The following ANKIB1 variants were observed in gnomAD, a reference collection of about 807,000 sequenced individuals.
ANKIB1 encodes the protein ankyrin repeat and IBR domain-containing protein 1.
In ANKIB1, 43 loss-of-function variants were observed where a neutral mutation model predicts 122.1. The ratio of observed to expected loss-of-function variants is 0.35; its 90% CI spans 0.28 to 0.45. The LOEUF (loss-of-function observed/expected upper bound fraction) is 0.45. ANKIB1 is among the 20% of genes least tolerant of loss of function. ANKIB1 has a pLI of 1.00. For synonymous variants in ANKIB1, 390 were observed against 442.0 expected, an observed-to-expected ratio of 0.88 and a Z score of 1.48; for missense variants, 992 against 1,329.5, an observed-to-expected ratio of 0.75 and a Z score of 3.95.
chr7:92,343,116 A>T lies in ANKIB1; in HGVS notation c.880A>T (p.Ser294Cys), dbSNP rs747778228. 4 of 1,613,894 alleles carry T rather than the reference A, an allele frequency of 2.5e-6. No individual in the cohort carries two copies. The South Asian group carries it at 3.3e-5, about 13-fold the overall frequency. ...TGTTCAAATGCCAACTCCACCACCA[A>T]GTGGGTATAATGCCTGGGACACGCT... ...SGVQMPTPPP[S>C]GYNAWDTLPS... Residue 294 changes from serine (S) to cysteine (C), a missense_variant, in exon 6 of 20, where the codon AGT (serine) becomes TGT (cysteine). Ser to Cys is a moderately radical substitution (Grantham distance 112). Coordinates refer to ENST00000265742, the MANE Select transcript of ANKIB1 (RefSeq NM_019004.2).
intron 1 of ANKIB1, among the ~76,000 whole-genome samples, chr7:92,257,905 T>G (rs1037845876): frequency 6.6e-6 from 1 of 152,234 alleles, no homozygotes; most frequent in Non-Finnish European, 1.5e-5. Context: ...GGCTAATTTA[T>G]TCTTTGATCT....
chr7:92,263,000 A>G (rs1051437989), intron 1 of ANKIB1, among the ~76,000 whole-genome samples: 5 of 152,194 alleles, frequency 3.3e-5, no homozygotes, highest in South Asian at 2.1e-4. Flanking sequence ...CTTGTAAGCT[A>G]GTAAGTTGTA....
chr7:92,400,714 C>A lies in ANKIB1; in HGVS notation c.*1765C>A, dbSNP rs905433756. On this transcript the variant is annotated 3_prime_UTR_variant, in exon 20 of 20. Transcript: ENST00000265742. ...ATAAACTGTGGGAATCCTCCTATGC[C>A]ATGGATATCAAAGGTCCACATTAGT... 1 of 152,108 alleles carries A rather than the reference C, an allele frequency of 6.6e-6. No individual in the cohort carries two copies. Among genetic ancestry groups the A allele is most frequent in the African/African-American group, 2.4e-5 (1 of 41,424 alleles). The allele number at this position is 152,108 out of a possible 1,614,324, so 9.4% of individuals were successfully genotyped here.
At position 92,264,551 on chromosome 7, in the gene ANKIB1, C is replaced by T. The variant is rs555059440; in HGVS notation, c.-91+18032C>T. Among the ~76,000 whole-genome samples the T allele has an allele frequency of 2.0e-3, 303 of 151,874 alleles. 2 individuals carry two copies. Among genetic ancestry groups the T allele is most frequent in the Non-Finnish European group, 3.9e-3 (262 of 67,914 alleles). ...TAGGTGGGACTATAGGTGCGTGCCA[C>T]CACGCTTGACTAATTTTTTTTTCTT... On this transcript the variant is annotated intron_variant, in intron 1 of 19. Coordinates refer to ENST00000265742, the MANE Select transcript of ANKIB1 (RefSeq NM_019004.2).
intron 10 of ANKIB1, among the ~76,000 whole-genome samples, chr7:92,366,792 A>G (rs1453867421): frequency 6.6e-6 from 1 of 152,220 alleles, no homozygotes; most frequent in Admixed American, 6.5e-5. Context: ...GCCAAGAGAA[A>G]CAAAAATGTC....
At chr7:92,351,196 T>A in intron 8 of ANKIB1, 102 bp downstream of exon 8, 1 of 1,006,976 alleles carries the variant, frequency 9.9e-7, no homozygotes, top group Non-Finnish European at 1.3e-6. Context: ...GAAAACAAAA[T>A]AATGGCTCTT....
intron 9 of ANKIB1, among the ~76,000 whole-genome samples, chr7:92,360,093 C>T (rs114793995): frequency 1.3e-5 from 2 of 152,150 alleles, no homozygotes; most frequent in African/African-American, 4.8e-5. Flanking sequence ...TACCATGTAA[C>T]CATTTTTAAG....
intron 1 of ANKIB1, among the ~76,000 whole-genome samples, chr7:92,270,780 A>AGT (rs1250873426): frequency 1.5e-5 from 2 of 130,364 alleles, no homozygotes; most frequent in African/African-American, 5.9e-5. Context: ...AGAATCATAT[A>AGT]GTATATAGCC....
intron 1 of ANKIB1, among the ~76,000 whole-genome samples, chr7:92,269,156 T>C (rs1363165430): frequency 6.6e-6 from 1 of 152,198 alleles, no homozygotes; most frequent in Non-Finnish European, 1.5e-5. Flanking sequence ...CTGAAATCTC[T>C]TTTGTAATAG....
At chr7:92,336,373 G>A (rs576748339) in intron 5 of ANKIB1, among the ~76,000 whole-genome samples, 1 of 150,858 alleles carries the variant, frequency 6.6e-6, no homozygotes, top group Non-Finnish European at 1.5e-5. Flanking sequence ...CTGGCCTTTT[G>A]TACTTTACAA....
At chr7:92,329,363 C>T (rs965784968) in intron 5 of ANKIB1, among the ~76,000 whole-genome samples, 7 of 152,050 alleles carry the variant, frequency 4.6e-5, no homozygotes, top group African/African-American at 1.7e-4. Context: ...TAAGAATTGC[C>T]TGGGAAACTA....
intron 10 of ANKIB1, among the ~76,000 whole-genome samples, chr7:92,364,058 AGCACTTTGGGAGGCCGAG>A (rs1804013519): frequency 6.6e-6 from 1 of 152,140 alleles, no homozygotes; most frequent in African/African-American, 2.4e-5. Flanking sequence ...CTGTAATCCT[AGCACTTTGGGAGGCCGAG>A]GCAGGTGGAT....
At chr7:92,364,310 TAAAAAAAAA>T (rs762884822) in intron 10 of ANKIB1, among the ~76,000 whole-genome samples, 2 of 33,504 alleles carry the variant, frequency 6.0e-5, no homozygotes, top group Admixed American at 4.2e-4. Context: ...AGACTCCATC[TAAAAAAAAA>T]AAAAAAAAAA....
chr7:92,300,317 A>T (rs1169503438), intron 2 of ANKIB1, among the ~76,000 whole-genome samples: 2 of 152,082 alleles, frequency 1.3e-5, no homozygotes, highest in Admixed American at 6.6e-5. Context: ...TTAACTTTAT[A>T]CTTATGTTTT....
intron 10 of ANKIB1, among the ~76,000 whole-genome samples, chr7:92,365,946 C>T (rs1215146143): frequency 6.6e-6 from 1 of 151,440 alleles, no homozygotes; most frequent in African/African-American, 2.4e-5. Context: ...CAGGCACCTG[C>T]CACCATGCCC....
At position 92,246,434 on chromosome 7, in the gene ANKIB1, G is replaced by C. The variant is rs200047434; in HGVS notation, c.-176G>C. 1 of 517,274 alleles carries C rather than the reference G, an allele frequency of 1.9e-6. No homozygotes were observed. The allele number at this position is 517,274 out of a possible 1,614,324, so 32.0% of individuals were successfully genotyped here. A position where few individuals can be genotyped will look rare whatever the true frequency, so the allele number is the denominator to read the frequency against. On this transcript the variant is annotated 5_prime_UTR_variant, in exon 1 of 20. Coordinates refer to ENST00000265742, the MANE Select transcript of ANKIB1 (RefSeq NM_019004.2). ...GCGGGCTGGGTACCTGAGGTCACCA[G>C]CTCGGCTGTAGAGGCAGGGGCGGCG... is the stretch of plus-strand genomic sequence containing the variant.
At chr7:92,371,271 G>A (rs1474333855) in intron 10 of ANKIB1, among the ~76,000 whole-genome samples, 6 of 151,760 alleles carry the variant, frequency 4.0e-5, no homozygotes, top group Non-Finnish European at 5.9e-5. Context: ...CAGGTTTCAC[G>A]AATAGGTCTT....
rs550785946 is a variant in ANKIB1, at chr7:92,391,787, A to C, written c.2231+443A>C. ...GAAATTTGATATTTGTAGTTATTTA[A>C]GTGATAAACCCATCCACTAAAGATC... On this transcript the variant is annotated intron_variant, in intron 16 of 19. Coordinates refer to ENST00000265742, the MANE Select transcript of ANKIB1 (RefSeq NM_019004.2). Among the ~76,000 whole-genome samples, 3 of 152,238 alleles carry C rather than the reference A, an allele frequency of 2.0e-5. No homozygotes were observed. In the East Asian group the frequency reaches 5.8e-4, roughly 29 times the overall value.
intron 1 of ANKIB1, among the ~76,000 whole-genome samples, chr7:92,277,891 C>T (rs1229154160): frequency 5.3e-5 from 8 of 152,142 alleles, no homozygotes; most frequent in Non-Finnish European, 1.2e-4. Context: ...CGAGGCCAAC[C>T]TGGCCAACAT....
Sources: allele counts gnomAD v4.1 joint callset (sites outside exome capture counted in the v4.1 genomes callset), GRCh38; gene constraint gnomAD v4.1.1; transcripts MANE v1.5; gene names NCBI Gene and HGNC (gene_info 2026-07-23, HGNC 2026-07-21).